The following SYT1 variants were observed in gnomAD, a reference collection of about 807,000 sequenced individuals.
SYT1 encodes synaptotagmin 1.
A neutral mutation model predicts 44.8 loss-of-function variants in SYT1; 8 were observed. That is an observed-to-expected ratio of 0.18 (90% confidence interval 0.10 to 0.32). The LOEUF is 0.32. Among genes scored for constraint, SYT1 ranks in the 10% least tolerant of loss-of-function variants. The probability of loss-of-function intolerance (pLI) is 1.00; values close to 1 mark genes in which losing one functional copy is unlikely to be tolerated. For synonymous variants in SYT1, 154 were observed against 188.8 expected (o/e 0.82, Z 1.51); for missense variants, 286 against 509.3 (o/e 0.56, Z 4.22).
intron 8 of SYT1, among the ~76,000 whole-genome samples, chr12:79,347,313 C>T (rs1358864720): frequency 2.0e-5 from 3 of 152,250 alleles, no homozygotes; most frequent in South Asian, 2.1e-4. Context: ...GCATCACCCT[C>T]AGCTGAAAAG....
intron 7 of SYT1, among the ~76,000 whole-genome samples, chr12:79,297,878 C>G (rs572841700): frequency 6.6e-6 from 1 of 152,122 alleles, no homozygotes; most frequent in African/African-American, 2.4e-5. Context: ...AATTCATCTT[C>G]TTTTCCCCCA....
chr12:79,137,965 TATG>T (rs1287481899), intron 3 of SYT1, among the ~76,000 whole-genome samples: 1 of 152,234 alleles, frequency 6.6e-6, no homozygotes, highest in Non-Finnish European at 1.5e-5. Context: ...TGCATAAAAA[TATG>T]ATAATAGATA....
At chr12:79,053,023 T>C (rs776288447) in intron 3 of SYT1, among the ~76,000 whole-genome samples, 2 of 152,072 alleles carry the variant, frequency 1.3e-5, no homozygotes, top group African/African-American at 2.4e-5. Context: ...ACCCAAAGGA[T>C]TATAAATCAT....
chr12:79,421,299 C>T (rs1464350456), intron 9 of SYT1, among the ~76,000 whole-genome samples: 1 of 152,112 alleles, frequency 6.6e-6, no homozygotes, highest in Non-Finnish European at 1.5e-5. Context: ...GAAACTTCCT[C>T]CAAATGAGAT....
intron 1 of SYT1, among the ~76,000 whole-genome samples, chr12:78,949,773 AACAGAGAAGCC>A (rs1412490065): frequency 1.3e-5 from 2 of 152,048 alleles, no homozygotes; most frequent in Non-Finnish European, 2.9e-5. Context: ...ATATCAGAGA[AACAGAGAAGCC>A]ACAGAGGATA....
chr12:79,346,962 A>G (rs943713089), intron 8 of SYT1, among the ~76,000 whole-genome samples: 1 of 152,116 alleles, frequency 6.6e-6, no homozygotes. Context: ...TCTACCAGCT[A>G]TAAAGCAATT....
intron 2 of SYT1, among the ~76,000 whole-genome samples, chr12:79,001,929 A>G (rs971321126): frequency 3.9e-5 from 6 of 152,044 alleles, no homozygotes; most frequent in African/African-American, 1.4e-4. Context: ...AAAAGAGTAC[A>G]TGGATTAATT....
chr12:78,937,598 A>C (rs1878133012), intron 1 of SYT1, among the ~76,000 whole-genome samples: 1 of 151,716 alleles, frequency 6.6e-6, no homozygotes, highest in African/African-American at 2.4e-5. Context: ...GCAACTACTT[A>C]AATAGAATAG....
intron 4 of SYT1, among the ~76,000 whole-genome samples, chr12:79,221,012 T>A (rs1451830035): frequency 6.6e-6 from 1 of 152,102 alleles, no homozygotes; most frequent in Non-Finnish European, 1.5e-5. Context: ...TGTCCATTAC[T>A]GAAAATGGGG....
chr12:79,365,459 A>AT (rs1883502243), intron 9 of SYT1, among the ~76,000 whole-genome samples: 2 of 152,254 alleles, frequency 1.3e-5, no homozygotes, highest in East Asian at 3.9e-4. Flanking sequence ...GATAGGGAAC[A>AT]ATATAGTAAA....
rs1294145515 is a variant in SYT1, at chr12:79,005,261, G to T, written c.-84+27330G>T. 2.0e-5 allele frequency among the ~76,000 whole-genome samples: 3 copies of T among 151,772 alleles called. No individual in the cohort carries two copies. In the South Asian group the frequency reaches 6.2e-4, roughly 32 times the overall value. ...ATATCTGAACCTATTTATTAGTAAT[G>T]TTTTTCATGATAATATTTTATTCAT... On this transcript the variant is annotated intron_variant, in intron 2 of 10. Transcript: ENST00000261205.
At chr12:78,922,174 C>T (rs1877045243) in intron 1 of SYT1, among the ~76,000 whole-genome samples, 1 of 151,862 alleles carries the variant, frequency 6.6e-6, no homozygotes, top group South Asian at 2.1e-4. Flanking sequence ...GTTTGAAGAA[C>T]TTGAACTGGA....
At chr12:79,045,254 T>A (rs933639428) in intron 2 of SYT1, among the ~76,000 whole-genome samples, 1 of 152,156 alleles carries the variant, frequency 6.6e-6, no homozygotes, top group Non-Finnish European at 1.5e-5. Context: ...CTCAGACTGC[T>A]GTGCTAGCAA....
chr12:79,368,984 C>A (rs1883674894), intron 9 of SYT1, among the ~76,000 whole-genome samples: 1 of 152,144 alleles, frequency 6.6e-6, no homozygotes, highest in South Asian at 2.1e-4. Flanking sequence ...ATGCCTATGT[C>A]CTGAATGGTA....
At chr12:79,123,518 G>C (rs974251278) in intron 3 of SYT1, among the ~76,000 whole-genome samples, 1 of 152,110 alleles carries the variant, frequency 6.6e-6, no homozygotes, top group African/African-American at 2.4e-5. Flanking sequence ...TGAGTAACTT[G>C]TTCAAGGCTA....
At chr12:78,969,529 T>C (rs1239800187) in intron 1 of SYT1, among the ~76,000 whole-genome samples, 4 of 152,122 alleles carry the variant, frequency 2.6e-5, no homozygotes, top group Non-Finnish European at 4.4e-5. Flanking sequence ...GAATGGTAGA[T>C]AAGGCCAGCA....
chr12:78,944,895 T>C (rs906496340), intron 1 of SYT1, among the ~76,000 whole-genome samples: 20 of 152,202 alleles, frequency 1.3e-4, no homozygotes, highest in Non-Finnish European at 2.1e-4. Flanking sequence ...TAGAATAATT[T>C]TGAAGCAAAA....
intron 1 of SYT1, among the ~76,000 whole-genome samples, chr12:78,938,124 CT>C (rs1555182693): frequency 1.3e-5 from 2 of 151,994 alleles, no homozygotes; most frequent in Non-Finnish European, 2.9e-5. Flanking sequence ...TCTCTTTTTT[CT>C]TTGTTTTCAT....
At chr12:78,866,823 T>C (rs1225010594) in intron 1 of SYT1, among the ~76,000 whole-genome samples, 2 of 152,194 alleles carry the variant, frequency 1.3e-5, no homozygotes, top group Non-Finnish European at 2.9e-5. Flanking sequence ...GAATCTTCTA[T>C]CTTAACTGTG....
Sources: gnomAD v4.1 joint callset for allele counts (sites outside exome capture counted in the v4.1 genomes callset) on GRCh38, gnomAD v4.1.1 for gene constraint, MANE v1.5 for transcripts, NCBI Gene and HGNC (gene_info 2026-07-23, HGNC 2026-07-21) for gene names.